The following ATP10B variants were observed in gnomAD, a reference collection of about 807,000 sequenced individuals.
ATP10B encodes the protein ATPase phospholipid transporting 10B (putative), also known as phospholipid-transporting ATPase VB.
Under a neutral mutation model 141.2 loss-of-function variants are expected in ATP10B, and 122 were observed. That is an observed-to-expected ratio of 0.86 (90% CI 0.75 to 1.00). ATP10B has a LOEUF of 1.00. Ranked by LOEUF, ATP10B falls within the 50% of genes least tolerant of loss-of-function variation. The probability of loss-of-function intolerance (pLI) is 0.00; values close to 1 mark genes in which losing one functional copy is unlikely to be tolerated. For synonymous variants in ATP10B, 685 were observed against 692.0 expected, an observed-to-expected ratio of 0.99 and a Z score of 0.16; for missense variants, 1,876 against 1,825.3, an observed-to-expected ratio of 1.03 and a Z score of -0.51.
intron 24 of ATP10B, among the ~76,000 whole-genome samples, chr5:160,578,438 AT>A (rs1432913203): frequency 2.0e-5 from 3 of 152,016 alleles, no homozygotes; most frequent in Non-Finnish European, 4.4e-5. Context: ...AACATGCAGT[AT>A]TTTTGGTTTT....
intron 17 of ATP10B, 142 bp from the exon 18 acceptor site, chr5:160,613,067 T>TC: frequency 1.4e-6 from 1 of 732,950 alleles, no homozygotes; most frequent in South Asian, 1.9e-5. Context: ...AACAGTGAAC[T>TC]AGATGGAGCA....
chr5:160,858,431 A>T, the ATP10B span, among the ~76,000 whole-genome samples: 2 of 151,772 alleles, frequency 1.3e-5, no homozygotes, highest in Non-Finnish European at 2.9e-5. Context: ...TCTTTTTTTT[A>T]AAATAAATTT....
At chr5:160,878,024 G>A in the ATP10B span, among the ~76,000 whole-genome samples, 11 of 152,008 alleles carry the variant, frequency 7.2e-5, no homozygotes, top group South Asian at 1.0e-3. Context: ...CAGAATTGGA[G>A]AAAACTACTT....
At position 160,596,903 on chromosome 5, in the gene ATP10B, G is replaced by C. The variant is rs553513344; in HGVS notation, c.3564+1867C>G. ...TCAATGAAATAAAAGAGGATACAAA[G>C]AAGTGGAAGAACATTCCATGCTCAT... On this transcript the variant is annotated intron_variant, in intron 22 of 25. Transcript: ENST00000327245. Among the ~76,000 whole-genome samples, 1,293 of 152,172 alleles carry C rather than the reference G, an allele frequency of 8.5e-3. 6 individuals carry two copies. The highest frequency in any genetic ancestry group is 0.013 in the Non-Finnish European group (917 of 67,972).
chr5:160,684,709 C>G (rs1056843909), intron 6 of ATP10B: 4 of 586,564 alleles, frequency 6.8e-6, no homozygotes, highest in Non-Finnish European at 1.2e-5. Context: ...GAGAACTGAA[C>G]AGCTTCCCTG....
At chr5:160,896,817 A>T in the ATP10B span, among the ~76,000 whole-genome samples, 1 of 152,220 alleles carries the variant, frequency 6.6e-6, no homozygotes, top group African/African-American at 2.4e-5. Context: ...AACTGAATCC[A>T]GCAGCACATG....
At chr5:160,732,900 T>C (rs912887476) in intron 2 of ATP10B, among the ~76,000 whole-genome samples, 1 of 152,164 alleles carries the variant, frequency 6.6e-6, no homozygotes, top group African/African-American at 2.4e-5. Flanking sequence ...TACGGTGCAG[T>C]GGCACAATCA....
chr5:160,801,242 T>G (rs1389319955), intron 1 of ATP10B, among the ~76,000 whole-genome samples: 1 of 152,204 alleles, frequency 6.6e-6, no homozygotes, highest in Admixed American at 6.5e-5. Flanking sequence ...ATAGAAATAC[T>G]GCAGATACTG....
At chr5:160,836,083 A>G (rs1401214384) in intron 1 of ATP10B, among the ~76,000 whole-genome samples, 1 of 152,090 alleles carries the variant, frequency 6.6e-6, no homozygotes, top group Non-Finnish European at 1.5e-5. Flanking sequence ...AATGATAGAC[A>G]TTAGATTCAA....
chr5:160,896,131 AAAG>A, the ATP10B span, among the ~76,000 whole-genome samples: 3 of 152,160 alleles, frequency 2.0e-5, no homozygotes, highest in African/African-American at 7.2e-5. Flanking sequence ...ATCATAATGA[AAAG>A]AACTAGAGAA....
In ATP10B at chr5:160,814,849, G is replaced by T. The variant is rs550501724; in HGVS notation, c.-575-29046C>A. Among the ~76,000 whole-genome samples, 11 of 152,274 alleles carry T rather than the reference G, an allele frequency of 7.2e-5. No homozygotes were observed. The East Asian group carries it at 1.4e-3, about 19-fold the overall frequency. Reference sequence around the variant, plus strand: ...CAATATTCAACATTCTTAAAGAAAAGATTTTTTAACCCAGAATTTCATATC... The same window carrying T: ...CAATATTCAACATTCTTAAAGAAAATATTTTTTAACCCAGAATTTCATATC... On this transcript the variant is annotated intron_variant, in intron 1 of 25. Transcript: ENST00000327245.
At chr5:160,907,079 A>G in the ATP10B span, among the ~76,000 whole-genome samples, 1 of 152,346 alleles carries the variant, frequency 6.6e-6, no homozygotes, top group African/African-American at 2.4e-5. Flanking sequence ...AAGACTGTCA[A>G]AATACCCAGC....
intron 2 of ATP10B, among the ~76,000 whole-genome samples, chr5:160,742,654 A>G (rs1276886283): frequency 6.6e-6 from 1 of 152,250 alleles, no homozygotes; most frequent in Non-Finnish European, 1.5e-5. Context: ...AGATGAGGGC[A>G]GTGTCTACTT....
intron 2 of ATP10B, among the ~76,000 whole-genome samples, chr5:160,727,510 C>CGGTCA (rs1361111118): frequency 6.6e-6 from 1 of 152,124 alleles, no homozygotes; most frequent in Non-Finnish European, 1.5e-5. Flanking sequence ...CCCTGGCTTC[C>CGGTCA]GGTCATCTCT....
At chr5:160,815,315 C>G (rs1012424382) in intron 1 of ATP10B, among the ~76,000 whole-genome samples, 1 of 151,066 alleles carries the variant, frequency 6.6e-6, no homozygotes, top group Admixed American at 6.6e-5. Flanking sequence ...ATGGAAAGCA[C>G]AAAAAAAAGC....
chr5:160,717,399 G>T (rs539574724), intron 2 of ATP10B, among the ~76,000 whole-genome samples: 2 of 152,288 alleles, frequency 1.3e-5, no homozygotes, highest in South Asian at 4.2e-4. Context: ...CTCTTCTTCT[G>T]TTGTTCAGTT....
chr5:160,857,438 G>GGA, the ATP10B span, among the ~76,000 whole-genome samples: 1 of 151,626 alleles, frequency 6.6e-6, no homozygotes, highest in African/African-American at 2.4e-5. Flanking sequence ...CAGTCTTGCT[G>GGA]GAGGTCTATT....
intron 2 of ATP10B, among the ~76,000 whole-genome samples, chr5:160,765,348 AC>A (rs1189313409): frequency 1.3e-5 from 2 of 152,172 alleles, no homozygotes; most frequent in African/African-American, 4.8e-5. Context: ...AGTTACCAAA[AC>A]AGCATGGTAC....
At chr5:160,885,841 T>G in the ATP10B span, among the ~76,000 whole-genome samples, 12 of 152,354 alleles carry the variant, frequency 7.9e-5, no homozygotes, top group Admixed American at 7.2e-4. Context: ...CTTGATTTTC[T>G]AGCTTTTTGC....
Sources: gnomAD v4.1 joint callset for allele counts (sites outside exome capture counted in the v4.1 genomes callset) on GRCh38, gnomAD v4.1.1 for gene constraint, MANE v1.5 for transcripts, NCBI Gene and HGNC (gene_info 2026-07-23, HGNC 2026-07-21) for gene names.